Variants in CHST11 observed in about 807,000 individuals in gnomAD.
CHST11 encodes the protein C4S-1.
CHST11 carries 9 observed loss-of-function variants against 30.4 expected under a neutral mutation model. The ratio of observed to expected loss-of-function variants is 0.30; its 90% CI spans 0.18 to 0.52. CHST11 has a LOEUF of 0.52. Ranked by LOEUF, CHST11 falls within the 20% of genes least tolerant of loss-of-function variation. The pLI, the probability that CHST11 is intolerant of heterozygous loss-of-function variation, is 0.97. For synonymous variants in CHST11, 152 were observed against 187.8 expected (o/e 0.81, Z 1.56); for missense variants, 348 against 460.6 (o/e 0.76, Z 2.24).
chr12:104,563,436 ACTCTCG>A (rs970895065), intron 1 of CHST11, among the ~76,000 whole-genome samples: 1 of 151,684 alleles, frequency 6.6e-6, no homozygotes, highest in Non-Finnish European at 1.5e-5. Flanking sequence ...AGCCTTTTTC[ACTCTCG>A]CTCAAGGGGC....
intron 1 of CHST11, among the ~76,000 whole-genome samples, chr12:104,491,858 T>C (rs1015286476): frequency 6.6e-6 from 1 of 152,138 alleles, no homozygotes; most frequent in Non-Finnish European, 1.5e-5. Context: ...CACAAGACTC[T>C]TCAAGACTGA....
chr12:104,581,675 CAG>C (rs2038745724), intron 1 of CHST11, among the ~76,000 whole-genome samples: 1 of 152,172 alleles, frequency 6.6e-6, no homozygotes, highest in Admixed American at 6.5e-5. Flanking sequence ...TCTAACCTGA[CAG>C]AGACTTCCCC....
At chr12:104,619,952 G>C (rs1466775740) in intron 2 of CHST11, among the ~76,000 whole-genome samples, 1 of 152,198 alleles carries the variant, frequency 6.6e-6, no homozygotes, top group Non-Finnish European at 1.5e-5. Context: ...GGTTCCCTTA[G>C]CCAATAGGTG....
intron 2 of CHST11, among the ~76,000 whole-genome samples, chr12:104,624,447 G>A (rs2039191572): frequency 6.6e-6 from 1 of 152,156 alleles, no homozygotes; most frequent in Non-Finnish European, 1.5e-5. Flanking sequence ...GGTTTGCTTT[G>A]TACAAAGTTG....
intron 2 of CHST11, among the ~76,000 whole-genome samples, chr12:104,714,981 C>A (rs912716809): frequency 6.6e-6 from 1 of 152,234 alleles, no homozygotes; most frequent in South Asian, 2.1e-4. Context: ...GTGGGAAGAG[C>A]CCACTCGTGA....
intron 1 of CHST11, among the ~76,000 whole-genome samples, chr12:104,532,416 A>G (rs1270753498): frequency 6.6e-6 from 1 of 151,938 alleles, no homozygotes; most frequent in Admixed American, 6.6e-5. Context: ...AAAAACCTGT[A>G]GGTTCCAAAC....
At chr12:104,528,274 G>C (rs1479721309) in intron 1 of CHST11, among the ~76,000 whole-genome samples, 2 of 152,134 alleles carry the variant, frequency 1.3e-5, no homozygotes, top group African/African-American at 4.8e-5. Context: ...AAGTAAATTT[G>C]AGCCAGCTTT....
intron 2 of CHST11, among the ~76,000 whole-genome samples, chr12:104,605,242 A>T (rs996931500): frequency 6.6e-6 from 1 of 151,968 alleles, no homozygotes; most frequent in Admixed American, 6.6e-5. Context: ...ATCTGGGAAA[A>T]CTGGCTATAA....
At position 104,680,459 on chromosome 12, in the gene CHST11, CAG is replaced by C. The variant is rs1303826290; in HGVS notation, c.205-76489_205-76488del. 3.9e-5 allele frequency among the ~76,000 whole-genome samples: 6 copies of C among 152,206 alleles called. No individual in the cohort carries two copies. The East Asian group carries it at 5.8e-4, about 15-fold the overall frequency. ...ACGGACATGTGGCCAGGCAGGCACA[CAG>C]GGGCCAATCTGCGGGGCCTGGTCAG... On this transcript the variant is annotated intron_variant, in intron 2 of 2. Transcript: ENST00000303694.
rs534752991 is a variant in CHST11, at chr12:104,760,172, G to T, written c.*2369G>T. 3 of 152,012 alleles carry T rather than the reference G, an allele frequency of 2.0e-5. No individual in the cohort carries two copies. The highest frequency in any genetic ancestry group is 3.9e-4 in the East Asian group (2 of 5,178). 9.4% of individuals were successfully genotyped at this position (152,012 alleles called of 1,614,324 possible). A position where few individuals can be genotyped will look rare whatever the true frequency, so the allele number is the denominator to read the frequency against. On this transcript the variant is annotated 3_prime_UTR_variant, in exon 3 of 3. Transcript: ENST00000303694. Reference sequence around the variant, plus strand: ...TTGCAGATCACCCCACAGAGCTAGGGTTCCACCGAGTATACTTTGCTTAGG... The same window carrying T: ...TTGCAGATCACCCCACAGAGCTAGGTTTCCACCGAGTATACTTTGCTTAGG...
intron 2 of CHST11, among the ~76,000 whole-genome samples, chr12:104,627,539 A>T (rs145779288): frequency 1.8e-4 from 27 of 152,328 alleles, no homozygotes; most frequent in African/African-American, 5.8e-4. Flanking sequence ...ACCGCAATCA[A>T]CAGGTTATTC....
chr12:104,522,054 CTT>C (rs2038078638), intron 1 of CHST11, among the ~76,000 whole-genome samples: 1 of 152,188 alleles, frequency 6.6e-6, no homozygotes, highest in Non-Finnish European at 1.5e-5. Context: ...ACTAGCATTT[CTT>C]TCCCAGTTAT....
At chr12:104,501,320 G>A (rs1294403731) in intron 1 of CHST11, among the ~76,000 whole-genome samples, 2 of 152,172 alleles carry the variant, frequency 1.3e-5, no homozygotes, top group African/African-American at 2.4e-5. Flanking sequence ...GTCCTTGATG[G>A]ACACATAGTA....
chr12:104,631,352 GC>G (rs2039268179), intron 2 of CHST11, among the ~76,000 whole-genome samples: 1 of 152,208 alleles, frequency 6.6e-6, no homozygotes. Flanking sequence ...GACGGTGGTA[GC>G]GGACCCTGTT....
At chr12:104,472,505 GAC>G (rs2037520827) in intron 1 of CHST11, among the ~76,000 whole-genome samples, 1 of 152,086 alleles carries the variant, frequency 6.6e-6, no homozygotes, top group South Asian at 2.1e-4. Context: ...TTGAGATCTT[GAC>G]ACAGTCTGCC....
intron 1 of CHST11, among the ~76,000 whole-genome samples, chr12:104,538,443 G>A (rs981772614): frequency 9.2e-5 from 14 of 152,150 alleles, no homozygotes; most frequent in African/African-American, 3.4e-4. Context: ...AGTGTTCGTT[G>A]AGTTTTTCCG....
intron 1 of CHST11, chr12:104,514,041 G>A (rs913060052): frequency 1.7e-5 from 15 of 889,942 alleles, no homozygotes; most frequent in African/African-American, 1.6e-4. Context: ...GCAGACCCCC[G>A]GGGCACTACT....
intron 1 of CHST11, among the ~76,000 whole-genome samples, chr12:104,516,778 G>A (rs1012864786): frequency 1.1e-4 from 17 of 151,966 alleles, no homozygotes; most frequent in African/African-American, 3.4e-4. Flanking sequence ...AAAGAGGAAC[G>A]GAAGCTCAGG....
intron 2 of CHST11, among the ~76,000 whole-genome samples, chr12:104,736,778 G>C (rs560694603): frequency 1.6e-4 from 24 of 152,308 alleles, no homozygotes; most frequent in African/African-American, 5.3e-4. Flanking sequence ...CCATGAAAGA[G>C]ACTGCTTCGA....
Sources: gnomAD v4.1 joint callset for allele counts (sites outside exome capture counted in the v4.1 genomes callset) on GRCh38, gnomAD v4.1.1 for gene constraint, MANE v1.5 for transcripts, NCBI Gene and HGNC (gene_info 2026-07-23, HGNC 2026-07-21) for gene names.